DLG2: variants seen among roughly 807,000 people sequenced by gnomAD.
The protein encoded by DLG2 is disks large homolog 2.
Under a neutral mutation model 132.5 loss-of-function variants are expected in DLG2, and 45 were observed. The observed-to-expected ratio is 0.34, with a 90% CI of 0.27 to 0.44. The LOEUF is 0.44. DLG2 is among the 20% of genes least tolerant of loss of function. The pLI is 1.00. For synonymous variants in DLG2, 424 were observed against 419.6 expected (o/e 1.01, Z -0.13); for missense variants, 1,045 against 1,196.9 (o/e 0.87, Z 1.87).
chr11:85,104,286 A>G (rs557559929), intron 6 of DLG2, among the ~76,000 whole-genome samples: 33 of 152,066 alleles, frequency 2.2e-4, no homozygotes, highest in Non-Finnish European at 3.8e-4. Flanking sequence ...ATTATTCATA[A>G]CATCAAAAAG....
intron 18 of DLG2, among the ~76,000 whole-genome samples, chr11:83,740,450 A>G (rs866362777): frequency 6.6e-6 from 1 of 152,206 alleles, no homozygotes; most frequent in Non-Finnish European, 1.5e-5. Context: ...TGCCAACTGG[A>G]TAAAAACTAA....
chr11:83,987,401 C>T (rs950343629), intron 11 of DLG2, among the ~76,000 whole-genome samples: 1 of 152,042 alleles, frequency 6.6e-6, no homozygotes, highest in East Asian at 1.9e-4. Flanking sequence ...CAATCCTAAG[C>T]CAAAAGAACA....
intron 7 of DLG2, among the ~76,000 whole-genome samples, chr11:84,439,470 G>C (rs1271290184): frequency 2.0e-5 from 3 of 150,402 alleles, no homozygotes; most frequent in Non-Finnish European, 4.4e-5. Context: ...GCCAACCAGG[G>C]TTTGGTTTTT....
intron 19 of DLG2, among the ~76,000 whole-genome samples, chr11:83,620,982 A>AT (rs943724605): frequency 5.9e-5 from 9 of 151,508 alleles, no homozygotes; most frequent in African/African-American, 9.7e-5. Context: ...GCTTACTTTA[A>AT]TTTTTTTAGC....
intron 6 of DLG2, among the ~76,000 whole-genome samples, chr11:85,030,299 T>C (rs1268872975): frequency 6.6e-6 from 1 of 152,244 alleles, no homozygotes; most frequent in African/African-American, 2.4e-5. Flanking sequence ...ATGGAGTATA[T>C]TGAATTTCCA....
chr11:84,938,096 ATAAC>A (rs1237302108), intron 6 of DLG2, among the ~76,000 whole-genome samples: 1 of 152,188 alleles, frequency 6.6e-6, no homozygotes, highest in Admixed American at 6.5e-5. Context: ...TTGTATTATA[ATAAC>A]TATTTCATAC....
intron 6 of DLG2, among the ~76,000 whole-genome samples, chr11:84,554,475 G>A (rs1265887667): frequency 2.0e-5 from 3 of 152,120 alleles, no homozygotes; most frequent in Admixed American, 6.5e-5. Flanking sequence ...GGCCGGGTGC[G>A]GTAGCTCATG....
At chr11:85,619,056 A>T (rs2081528841) in intron 2 of DLG2, among the ~76,000 whole-genome samples, 1 of 152,244 alleles carries the variant, frequency 6.6e-6, no homozygotes, top group African/African-American at 2.4e-5. Context: ...CCTAATCAGT[A>T]GTTAAACACA....
intron 2 of DLG2, among the ~76,000 whole-genome samples, chr11:85,620,581 C>T (rs573692626): frequency 6.6e-6 from 1 of 152,316 alleles, no homozygotes; most frequent in South Asian, 2.1e-4. Flanking sequence ...TCAGTGAACA[C>T]ACGAATAATA....
At chr11:84,517,023 ATAAAT>A (rs1478373022) in intron 7 of DLG2, among the ~76,000 whole-genome samples, 1 of 3,842 alleles carries the variant, frequency 2.6e-4, no homozygotes, top group African/African-American at 3.7e-4. Flanking sequence ...AAAATAAAAA[ATAAAT>A]AAATAAATAA....
intron 7 of DLG2, among the ~76,000 whole-genome samples, chr11:84,474,718 A>T (rs894057480): frequency 1.3e-5 from 2 of 152,086 alleles, no homozygotes; most frequent in Non-Finnish European, 2.9e-5. Context: ...CAGTAGTAGT[A>T]GCACTATTAT....
At chr11:83,695,463 C>G (rs568428698) in intron 18 of DLG2, among the ~76,000 whole-genome samples, 8 of 152,308 alleles carry the variant, frequency 5.3e-5, no homozygotes, top group African/African-American at 1.9e-4. Context: ...AGAGTCCTAG[C>G]TGGGTGCAGT....
intron 21 of DLG2, among the ~76,000 whole-genome samples, chr11:83,507,774 ATATATATATATATATATATATATATG>A (rs2094801401): frequency 1.3e-5 from 1 of 78,332 alleles, no homozygotes; most frequent in Non-Finnish European, 2.7e-5. Context: ...ATATATATAT[ATATATATATATATATATATATATATG>A]TATATATGAG....
intron 7 of DLG2, among the ~76,000 whole-genome samples, chr11:84,532,221 T>G (rs753353795): frequency 1.4e-5 from 2 of 147,356 alleles, no homozygotes; most frequent in Non-Finnish European, 3.0e-5. Context: ...CATTTTTGAA[T>G]CCCAGAAGTA....
At chr11:85,261,757 G>A (rs1206090049) in intron 4 of DLG2, among the ~76,000 whole-genome samples, 1 of 152,110 alleles carries the variant, frequency 6.6e-6, no homozygotes, top group African/African-American at 2.4e-5. Context: ...GAAGATGCAA[G>A]GGCCAAAATG....
At chr11:83,586,395 G>A (rs2097087153) in intron 19 of DLG2, among the ~76,000 whole-genome samples, 1 of 152,204 alleles carries the variant, frequency 6.6e-6, no homozygotes, top group Non-Finnish European at 1.5e-5. Context: ...CCACTTACCA[G>A]CTAGGTGACT....
chr11:84,043,014 A>G (rs1403047677), intron 11 of DLG2, among the ~76,000 whole-genome samples: 3 of 151,824 alleles, frequency 2.0e-5, no homozygotes, highest in Non-Finnish European at 4.4e-5. Flanking sequence ...TTAGTTGACT[A>G]CTGCTTATAT....
At chr11:85,221,660 G>T (rs552791503) in intron 4 of DLG2, among the ~76,000 whole-genome samples, 3 of 152,112 alleles carry the variant, frequency 2.0e-5, no homozygotes, top group African/African-American at 7.2e-5. Flanking sequence ...AAGCACATGC[G>T]TGTCTTATTT....
intron 7 of DLG2, among the ~76,000 whole-genome samples, chr11:84,419,545 G>A (rs1326642895): frequency 6.6e-6 from 1 of 152,066 alleles, no homozygotes; most frequent in Non-Finnish European, 1.5e-5. Context: ...TTTGAGAAAT[G>A]CCGATAATTT....
Sources: gnomAD v4.1 joint callset for allele counts (sites outside exome capture counted in the v4.1 genomes callset) on GRCh38, gnomAD v4.1.1 for gene constraint, MANE v1.5 for transcripts, NCBI Gene and HGNC (gene_info 2026-07-23, HGNC 2026-07-21) for gene names.